The following SGMS1 variants were observed in gnomAD, a reference collection of about 807,000 sequenced individuals.
SGMS1 encodes the protein sphingomyelin synthase 1.
A neutral mutation model predicts 46.2 loss-of-function variants in SGMS1; 13 were observed. The ratio of observed to expected loss-of-function variants is 0.28; its 90% confidence interval spans 0.18 to 0.45. The LOEUF (loss-of-function observed/expected upper bound fraction) is 0.45, where lower values mean the gene tolerates loss of function less well. SGMS1 is among the 20% of genes least tolerant of loss of function. The probability of loss-of-function intolerance (pLI) is 1.00; values close to 1 mark genes in which losing one functional copy is unlikely to be tolerated. For synonymous variants in SGMS1, 203 were observed against 187.8 expected (o/e 1.08, Z -0.66); for missense variants, 324 against 519.9 (o/e 0.62, Z 3.66).
At chr10:50,606,257 C>G (rs571413182) in intron 1 of SGMS1, among the ~76,000 whole-genome samples, 1 of 152,188 alleles carries the variant, frequency 6.6e-6, no homozygotes, top group African/African-American at 2.4e-5. Context: ...ATATGAGGTA[C>G]ATAGTCAAAT....
At chr10:50,587,922 AAT>A (rs1838502783) in intron 2 of SGMS1, among the ~76,000 whole-genome samples, 1 of 152,112 alleles carries the variant, frequency 6.6e-6, no homozygotes, top group Non-Finnish European at 1.5e-5. Context: ...ATACACTTAT[AAT>A]ATGTCTATTT....
intron 3 of SGMS1, among the ~76,000 whole-genome samples, chr10:50,481,628 A>C (rs540876816): frequency 6.6e-6 from 1 of 152,212 alleles, no homozygotes; most frequent in Admixed American, 6.5e-5. Flanking sequence ...CTTCCAAATG[A>C]TCACAACAAC....
intron 6 of SGMS1, among the ~76,000 whole-genome samples, chr10:50,426,872 G>C (rs1849332705): frequency 6.6e-6 from 1 of 152,168 alleles, no homozygotes; most frequent in South Asian, 2.1e-4. Flanking sequence ...AAGACACGGA[G>C]ATCTAAAATT....
Position 50,592,356 on chromosome 10 carries a change from GC to G in SGMS1, c.-683-2110del, listed in dbSNP as rs577961950. 2.0e-5 allele frequency among the ~76,000 whole-genome samples: 3 copies of G among 152,210 alleles called. No homozygotes were observed. In the South Asian group the frequency reaches 6.2e-4, roughly 32 times the overall value. ...TCGTTGCATAGATTTTTAAGCTAAG[GC>G]CCCTGTCCTTGCTTGCCTAGGTCAT... On this transcript the variant is annotated intron_variant, in intron 1 of 10. Coordinates refer to ENST00000361781, the MANE Select transcript of SGMS1 (RefSeq NM_147156.4).
chr10:50,561,885 A>C (rs1215780097), intron 2 of SGMS1, among the ~76,000 whole-genome samples: 1 of 152,154 alleles, frequency 6.6e-6, no homozygotes, highest in Non-Finnish European at 1.5e-5. Context: ...AGAGGACCCC[A>C]AAAGTACACC....
At chr10:50,516,590 C>A (rs1837808470) in intron 3 of SGMS1, among the ~76,000 whole-genome samples, 1 of 152,092 alleles carries the variant, frequency 6.6e-6, no homozygotes, top group Admixed American at 6.6e-5. Context: ...ACAAAAAGAA[C>A]CCCGGCAAAA....
At chr10:50,439,771 C>T (rs1849518626) in intron 5 of SGMS1, among the ~76,000 whole-genome samples, 1 of 152,144 alleles carries the variant, frequency 6.6e-6, no homozygotes, top group African/African-American at 2.4e-5. Context: ...AATAGGCTGT[C>T]TTTTCTTCTG....
At position 50,307,923 on chromosome 10, in the gene SGMS1, A is replaced by G; in HGVS notation, c.1062+59T>C. 1.9e-6 allele frequency: 3 copies of G among 1,589,416 alleles called. No individual in the cohort carries two copies. Among genetic ancestry groups the G allele is most frequent in the Middle Eastern group, 4.2e-4 (2 of 4,734 alleles). On this transcript the variant is annotated intron_variant, in intron 10 of 10. Coordinates refer to ENST00000361781, the MANE Select transcript of SGMS1 (RefSeq NM_147156.4). The surrounding 1 kb of genome is among the most constrained non-coding windows in gnomAD (Gnocchi z 4.2). The stretch of plus-strand genomic sequence containing the variant: ...TCCACAGGTTCTTTGCACCCTGTCC[A>G]AGCCAGCAACATCAAGCCAGAAACA...
intron 3 of SGMS1, among the ~76,000 whole-genome samples, chr10:50,511,250 C>CACACACAT (rs1368944345): frequency 7.5e-6 from 1 of 132,994 alleles, no homozygotes; most frequent in Non-Finnish European, 1.6e-5. Context: ...CTCATTCATA[C>CACACACAT]ACACACACAC....
intron 3 of SGMS1, among the ~76,000 whole-genome samples, chr10:50,475,383 G>A (rs1410493563): frequency 6.6e-6 from 1 of 152,060 alleles, no homozygotes; most frequent in Non-Finnish European, 1.5e-5. Context: ...ATGAACCTTT[G>A]ATATACGTTC....
intron 3 of SGMS1, among the ~76,000 whole-genome samples, chr10:50,470,727 T>A (rs1837370855): frequency 6.6e-6 from 1 of 152,076 alleles, no homozygotes; most frequent in African/African-American, 2.4e-5. Flanking sequence ...AAATTTTGCC[T>A]CAATTTACAG....
chr10:50,534,911 T>C (rs1026515003), intron 2 of SGMS1, among the ~76,000 whole-genome samples: 23 of 152,200 alleles, frequency 1.5e-4, no homozygotes, highest in Non-Finnish European at 3.1e-4. Flanking sequence ...CATGCAGACA[T>C]TGCTAAGTGA....
chr10:50,547,264 T>A (rs1007907983), intron 2 of SGMS1, among the ~76,000 whole-genome samples: 3 of 152,074 alleles, frequency 2.0e-5, no homozygotes, highest in African/African-American at 7.2e-5. Flanking sequence ...AGTAAAGGGA[T>A]TATTTTAAAA....
chr10:50,466,461 T>C (rs1323835665), intron 4 of SGMS1, among the ~76,000 whole-genome samples: 1 of 152,126 alleles, frequency 6.6e-6, no homozygotes, highest in Non-Finnish European at 1.5e-5. Context: ...ATGCAAATGA[T>C]TACTTGTGGC....
intron 6 of SGMS1, among the ~76,000 whole-genome samples, chr10:50,426,907 C>A (rs142478529): frequency 7.2e-5 from 11 of 152,150 alleles, no homozygotes; most frequent in African/African-American, 2.7e-4. Flanking sequence ...CCAAATTATT[C>A]CAAATTGAAA....
intron 2 of SGMS1, among the ~76,000 whole-genome samples, chr10:50,561,994 TTACAAAAC>T (rs1838240672): frequency 6.6e-6 from 1 of 152,102 alleles, no homozygotes; most frequent in South Asian, 2.1e-4. Flanking sequence ...TCAGAACATT[TTACAAAAC>T]AGGTGAGTTG....
At chr10:50,553,336 T>C (rs1838163832) in intron 2 of SGMS1, among the ~76,000 whole-genome samples, 1 of 152,192 alleles carries the variant, frequency 6.6e-6, no homozygotes, top group Non-Finnish European at 1.5e-5. Context: ...GCCTCTTTGT[T>C]ACTCAGCTAC....
intron 2 of SGMS1, among the ~76,000 whole-genome samples, chr10:50,574,355 A>T (rs1036043612): frequency 1.3e-5 from 2 of 152,222 alleles, no homozygotes; most frequent in Admixed American, 1.3e-4. Context: ...ATATCTCCAA[A>T]GAAGACATCC....
rs541728139 is a variant in SGMS1 at position 50,308,448 on chromosome 10, C to T, written c.896-300G>A. ...AAGGACAGGTTAATGCATCATGTTT[C>T]GTTTTTAAAAACTGTCCATTGACAT... On this transcript the variant is annotated intron_variant, in intron 9 of 10. Transcript: ENST00000361781. 1.4e-4 allele frequency among the ~76,000 whole-genome samples: 22 copies of T among 152,166 alleles called. No homozygotes were observed. In the South Asian group the frequency reaches 2.3e-3, roughly 16 times the overall value.
Sources: allele counts gnomAD v4.1 joint callset (sites outside exome capture counted in the v4.1 genomes callset), GRCh38; gene constraint gnomAD v4.1.1; non-coding constraint Gnocchi (gnomAD v3.1); transcripts MANE v1.5; gene names NCBI Gene and HGNC (gene_info 2026-07-23, HGNC 2026-07-21).